MYO5B: variants seen among roughly 807,000 people sequenced by gnomAD.
The protein encoded by MYO5B is unconventional myosin-Vb.
MYO5B carries 143 observed loss-of-function variants against 229.3 expected under a neutral mutation model. That is an observed-to-expected ratio of 0.62 (90% CI 0.54 to 0.72). The LOEUF (loss-of-function observed/expected upper bound fraction) is 0.72. Among genes scored for constraint, MYO5B ranks in the 30% least tolerant of loss-of-function variants. MYO5B has a pLI of 0.00. For missense variants in MYO5B, 2,321 were observed against 2,331.0 expected, an observed-to-expected ratio of 1.00 and a Z score of 0.09; for synonymous variants, 918 against 885.2, an observed-to-expected ratio of 1.04 and a Z score of -0.66.
chr18:49,908,978 C>T (rs994714966), intron 18 of MYO5B, among the ~76,000 whole-genome samples: 3 of 152,238 alleles, frequency 2.0e-5, no homozygotes, highest in East Asian at 1.9e-4. Flanking sequence ...GACAGCCTAA[C>T]GAAGCAGCCC....
chr18:50,027,766 C>G (rs1252483424), intron 4 of MYO5B, among the ~76,000 whole-genome samples: 3 of 152,202 alleles, frequency 2.0e-5, no homozygotes, highest in African/African-American at 7.2e-5. Flanking sequence ...ACACAACAGA[C>G]TCGTTACATC....
intron 21 of MYO5B, 76 bp downstream of exon 21, chr18:49,902,518 A>G (rs994551403): frequency 1.8e-4 from 291 of 1,591,478 alleles, no homozygotes; most frequent in Non-Finnish European, 2.5e-4. Flanking sequence ...CAGTTCCTCA[A>G]GGAAGCTGTG....
chr18:50,139,968 T>C (rs1371245721), intron 1 of MYO5B, among the ~76,000 whole-genome samples: 1 of 152,094 alleles, frequency 6.6e-6, no homozygotes, highest in Non-Finnish European at 1.5e-5. Flanking sequence ...TAACTTCTCA[T>C]CAGAAAAGTA....
At chr18:50,188,485 G>A (rs2144359749) in intron 1 of MYO5B, among the ~76,000 whole-genome samples, 1 of 152,192 alleles carries the variant, frequency 6.6e-6, no homozygotes, top group East Asian at 1.9e-4. Flanking sequence ...AAAACATCTG[G>A]TATGGCCTCT....
At chr18:49,894,205 C>T (rs189199331) in intron 22 of MYO5B, among the ~76,000 whole-genome samples, 1 of 151,528 alleles carries the variant, frequency 6.6e-6, no homozygotes, top group Non-Finnish European at 1.5e-5. Flanking sequence ...CCATCCACTG[C>T]AACTCCCCAT....
intron 1 of MYO5B, among the ~76,000 whole-genome samples, chr18:50,056,162 T>A (rs1568089119): frequency 6.6e-6 from 1 of 152,208 alleles, no homozygotes; most frequent in African/African-American, 2.4e-5. Flanking sequence ...AGTCACTGAA[T>A]GGGGCCAAGT....
intron 4 of MYO5B, among the ~76,000 whole-genome samples, chr18:50,033,024 T>G (rs1311070871): frequency 3.3e-5 from 5 of 152,100 alleles, no homozygotes; most frequent in Non-Finnish European, 7.4e-5. Context: ...CTTGGGTGCA[T>G]ACCTAAGAAT....
At chr18:50,038,201 T>A (rs1244885955) in intron 3 of MYO5B, among the ~76,000 whole-genome samples, 1 of 152,238 alleles carries the variant, frequency 6.6e-6, no homozygotes, top group Non-Finnish European at 1.5e-5. Flanking sequence ...ACATTCTGGA[T>A]GTCAGAAGAC....
At chr18:49,959,326 G>A (rs1175356413) in intron 12 of MYO5B, among the ~76,000 whole-genome samples, 1 of 152,204 alleles carries the variant, frequency 6.6e-6, no homozygotes, top group Non-Finnish European at 1.5e-5. Context: ...GGTTTCTCAT[G>A]TGAATGAATA....
intron 1 of MYO5B, among the ~76,000 whole-genome samples, chr18:50,127,956 AT>A (rs551377263): frequency 1.5e-3 from 223 of 152,298 alleles, no homozygotes; most frequent in African/African-American, 2.6e-3. Context: ...AAACTGAGAC[AT>A]GAGCTCTTTC....
intron 1 of MYO5B, among the ~76,000 whole-genome samples, chr18:50,143,773 C>T (rs1318749938): frequency 6.6e-6 from 1 of 152,156 alleles, no homozygotes; most frequent in Non-Finnish European, 1.5e-5. Context: ...AATAGAAGGT[C>T]AGAACATGGC....
rs201912377 is a variant in MYO5B, at chr18:50,040,113, G to A, written c.310+30C>T. The A allele has an allele frequency of 1.5e-3, 2,398 of 1,612,196 alleles. 6 individuals carry two copies. Among genetic ancestry groups the A allele is most frequent in the Non-Finnish European group, 1.9e-3 (2,287 of 1,178,446 alleles). ...CTAAAGCTGGTAAGCACTTTCCAAC[G>A]CATGCAGCCAACAGATGCCCCCCAC... On this transcript the variant is annotated intron_variant, in intron 3 of 39. Coordinates refer to ENST00000285039, the MANE Select transcript of MYO5B (RefSeq NM_001080467.3).
intron 1 of MYO5B, among the ~76,000 whole-genome samples, chr18:50,077,168 T>TAAAAAAAAGAAAAAAAA (rs2031100259): frequency 1.2e-5 from 1 of 81,228 alleles, no homozygotes; most frequent in Non-Finnish European, 2.3e-5. Context: ...TGTGGCAAAG[T>TAAAAAAAAGAAAAAAAA]AAAAAAAAAA....
chr18:49,984,396 G>A (rs992247681), intron 8 of MYO5B, among the ~76,000 whole-genome samples: 10 of 152,248 alleles, frequency 6.6e-5, no homozygotes, highest in Non-Finnish European at 1.3e-4. Flanking sequence ...CCAGACCACA[G>A]CACGAGAAGA....
At chr18:49,893,146 C>T (rs569000050) in intron 22 of MYO5B, among the ~76,000 whole-genome samples, 3 of 152,114 alleles carry the variant, frequency 2.0e-5, no homozygotes, top group Non-Finnish European at 4.4e-5. Context: ...TAGCATTTAG[C>T]AGGAAGCAGG....
chr18:50,054,721 T>C (rs1262398809), intron 2 of MYO5B, among the ~76,000 whole-genome samples: 2 of 152,156 alleles, frequency 1.3e-5, no homozygotes, highest in Admixed American at 1.3e-4. Flanking sequence ...AGCTAACACA[T>C]AGGGAGCACT....
intron 21 of MYO5B, among the ~76,000 whole-genome samples, chr18:49,900,495 C>G (rs536185599): frequency 6.6e-6 from 1 of 152,208 alleles, no homozygotes; most frequent in African/African-American, 2.4e-5. Flanking sequence ...CTCAGAAAGC[C>G]TTGTCTTTTG....
At chr18:49,875,587 CA>C in intron 26 of MYO5B, 99 bp downstream of exon 26, 2 of 1,525,084 alleles carry the variant, frequency 1.3e-6, no homozygotes, top group Non-Finnish European at 1.8e-6. Flanking sequence ...AGCAGGAGCA[CA>C]ATCCCATGTG....
chr18:49,860,382 T>C (rs1247773209), intron 29 of MYO5B, among the ~76,000 whole-genome samples: 1 of 152,164 alleles, frequency 6.6e-6, no homozygotes, highest in African/African-American at 2.4e-5. Context: ...CAGCTCATGT[T>C]CACAGCCCTC....
Sources: gnomAD v4.1 joint callset for allele counts (sites outside exome capture counted in the v4.1 genomes callset) on GRCh38, gnomAD v4.1.1 for gene constraint, MANE v1.5 for transcripts, NCBI Gene and HGNC (gene_info 2026-07-23, HGNC 2026-07-21) for gene names.